Variants in CFAP52 observed in about 807,000 individuals in gnomAD.
CFAP52 encodes the protein cilia- and flagella-associated protein 52.
Under a neutral mutation model 70.5 loss-of-function variants are expected in CFAP52, and 57 were observed. The ratio of observed to expected loss-of-function variants is 0.81; its 90% CI spans 0.65 to 1.01. The LOEUF is 1.01. CFAP52 is among the 50% of genes least tolerant of loss of function. The pLI, the probability that CFAP52 is intolerant of heterozygous loss-of-function variation, is 0.00. For synonymous variants in CFAP52, 267 were observed against 292.5 expected (o/e 0.91, Z 0.89); for missense variants, 785 against 788.5 (o/e 1.00, Z 0.05).
chr17:9,593,837 C>T (rs960015386), intron 3 of CFAP52, among the ~76,000 whole-genome samples: 1 of 151,716 alleles, frequency 6.6e-6, no homozygotes, highest in African/African-American at 2.4e-5. Flanking sequence ...TGGTGGTGTG[C>T]GTCTGTAGTC....
At chr17:9,638,067 G>T (rs1910888079) in intron 11 of CFAP52, among the ~76,000 whole-genome samples, 1 of 152,114 alleles carries the variant, frequency 6.6e-6, no homozygotes, top group Admixed American at 6.5e-5. Flanking sequence ...GCTTTCCGAG[G>T]GTTGTGCATG....
At chr17:9,615,922 T>G (rs1279792313) in intron 8 of CFAP52, among the ~76,000 whole-genome samples, 1 of 150,414 alleles carries the variant, frequency 6.6e-6, no homozygotes, top group Non-Finnish European at 1.5e-5. Flanking sequence ...TCTCAGATTA[T>G]AGGCATGAGC....
intron 8 of CFAP52, among the ~76,000 whole-genome samples, chr17:9,623,755 C>A (rs1282199846): frequency 6.6e-6 from 1 of 152,006 alleles, no homozygotes; most frequent in Non-Finnish European, 1.5e-5. Flanking sequence ...TCCATTCACC[C>A]GCATGATCAT....
At chr17:9,585,167 GA>G (rs763646782) in intron 1 of CFAP52, among the ~76,000 whole-genome samples, 2 of 152,082 alleles carry the variant, frequency 1.3e-5, no homozygotes, top group Non-Finnish European at 2.9e-5. Context: ...GGACTTGCTG[GA>G]CCAGCATCAG....
At position 9,631,032 on chromosome 17, in the gene CFAP52, G is replaced by GAAAGAAAGAAAGAAAGAAAGAA. The variant is rs1473831778; in HGVS notation, c.1175-1855_1175-1854insAAGAAAGAAAGAAAGAAAGAAA. Among the ~76,000 whole-genome samples the GAAAGAAAGAAAGAAAGAAAGAA allele has an allele frequency of 4.3e-5, 2 of 46,772 alleles. 1 individual carries two copies. Among genetic ancestry groups the GAAAGAAAGAAAGAAAGAAAGAA allele is most frequent in the Non-Finnish European group, 7.9e-5 (2 of 25,366 alleles). 30.7% of individuals were successfully genotyped at this position (46,772 alleles called of 152,430 possible). A position where few individuals can be genotyped will look rare whatever the true frequency, so the allele number is the denominator to read the frequency against. On this transcript the variant is annotated intron_variant, in intron 9 of 13. Transcript: ENST00000352665. ...AAAGAAAGAAAGAAAGAAAGAAAGA[G>GAAAGAAAGAAAGAAAGAAAGAA]AGAGAGAGAGAGAGAGAGAGAGAAA...
chr17:9,644,653 T>C (rs1911239276), downstream of CFAP52: 2 of 152,088 alleles, frequency 1.3e-5, no homozygotes, highest in African/African-American at 4.8e-5. Flanking sequence ...CTAATTCTGA[T>C]TGGGCAATCA....
At chr17:9,607,025 G>A (rs1049868123) in intron 6 of CFAP52, among the ~76,000 whole-genome samples, 4 of 152,136 alleles carry the variant, frequency 2.6e-5, no homozygotes, top group African/African-American at 7.2e-5. Context: ...AACCTATACA[G>A]TCACTAGCTA....
intron 8 of CFAP52, among the ~76,000 whole-genome samples, chr17:9,616,111 C>G (rs1205808648): frequency 2.7e-5 from 4 of 150,912 alleles, no homozygotes; most frequent in Non-Finnish European, 4.4e-5. Flanking sequence ...CTAGGGAGTG[C>G]CAGACAGTGG....
chr17:9,635,602 A>T, intron 11 of CFAP52, 46 bp downstream of exon 11: 1 of 1,611,690 alleles, frequency 6.2e-7, no homozygotes, highest in African/African-American at 1.3e-5. Flanking sequence ...TGCAAAATCC[A>T]ATCATGCCAA....
chr17:9,588,486 A>G (rs1387046995), intron 3 of CFAP52, among the ~76,000 whole-genome samples: 2 of 152,182 alleles, frequency 1.3e-5, no homozygotes, highest in Non-Finnish European at 2.9e-5. Flanking sequence ...ACAGTGTGAG[A>G]AAGCTGTTGA....
chr17:9,593,174 A>G (rs1908840357), intron 3 of CFAP52, among the ~76,000 whole-genome samples: 1 of 152,146 alleles, frequency 6.6e-6, no homozygotes, highest in Non-Finnish European at 1.5e-5. Context: ...TTCTTTAAAC[A>G]CCTTGATTCG....
chr17:9,580,189 G>A (rs1488546025), intron 1 of CFAP52, among the ~76,000 whole-genome samples: 1 of 152,016 alleles, frequency 6.6e-6, no homozygotes, highest in Non-Finnish European at 1.5e-5. Flanking sequence ...AAGTTTTATT[G>A]GAATGTAGCT....
chr17:9,585,922 A>G lies in CFAP52; in HGVS notation c.220A>G (p.Arg74Gly), dbSNP rs753422223. ...CAACGTCTCCTGCTTGGCCATCTCC[A>G]GGTCTGGAGAGTACATCGCCTCCGG... is the stretch of plus-strand genomic sequence containing the variant. ...GNNVSCLAIS[R>G]SGEYIASGQV... The change falls in exon 2 of 14, where the codon AGG (arginine) becomes GGG (glycine). Residue 74 changes from arginine to glycine, a missense_variant. By Grantham distance (125) the Arg-to-Gly change is moderately radical (BLOSUM62 -2). Transcript: ENST00000352665. 3 of 1,611,250 alleles carry G rather than the reference A, an allele frequency of 1.9e-6. No homozygotes were observed. The highest frequency in any genetic ancestry group is 1.3e-5 in the African/African-American group (1 of 74,654).
At chr17:9,597,990 G>T (rs1042236194) in intron 4 of CFAP52, among the ~76,000 whole-genome samples, 3 of 152,100 alleles carry the variant, frequency 2.0e-5, no homozygotes, top group African/African-American at 7.2e-5. Context: ...AGAGTGAGAC[G>T]GAGCCAGGTG....
At chr17:9,605,035 G>C (rs1389191405) in intron 6 of CFAP52, among the ~76,000 whole-genome samples, 5 of 152,064 alleles carry the variant, frequency 3.3e-5, no homozygotes, top group African/African-American at 1.2e-4. Flanking sequence ...ATAGTTTGGT[G>C]GTTTCTTGCA....
rs1277868977 is a variant in CFAP52 at position 9,584,368 on chromosome 17, C to T, written c.71-1405C>T. Reference sequence around the variant, plus strand: ...GAAAGGTCCCAGGCTCTTCAGAGCACCTGGTGGGCACTCAGAACTGAAACC... The same window carrying T: ...GAAAGGTCCCAGGCTCTTCAGAGCATCTGGTGGGCACTCAGAACTGAAACC... On this transcript the variant is annotated intron_variant, in intron 1 of 13. Coordinates refer to ENST00000352665, the MANE Select transcript of CFAP52 (RefSeq NM_145054.5). The T allele has an allele frequency of 1.8e-5, 23 of 1,283,552 alleles. 1 individual carries two copies. The South Asian group carries it at 2.4e-4, about 13-fold the overall frequency. The allele number at this position is 1,283,552 out of a possible 1,614,324, so 79.5% of individuals were successfully genotyped here.
At chr17:9,633,566 G>A (rs1394115567) in intron 10 of CFAP52, among the ~76,000 whole-genome samples, 2 of 152,146 alleles carry the variant, frequency 1.3e-5, no homozygotes, top group Non-Finnish European at 2.9e-5. Context: ...AGACATGAAA[G>A]TGTTCTATGT....
In CFAP52 at chr17:9,600,193, G is replaced by C. The variant is rs781483659; in HGVS notation, c.753+10G>C. 6.2e-7 allele frequency: 1 copy of C among 1,609,860 alleles called. No homozygotes were observed. The highest frequency in any genetic ancestry group is 1.1e-5 in the South Asian group (1 of 90,974). On this transcript the variant is annotated intron_variant, in intron 6 of 13. Transcript: ENST00000352665. ...GGACAAATTCAGTTTGGTGAGTAGA[G>C]ACCATCGCCACTGCCCTGCCATTTT...
intron 10 of CFAP52, 115 bp from the exon 11 acceptor site, chr17:9,635,290 G>A (rs1477519221): frequency 1.6e-5 from 23 of 1,428,584 alleles, no homozygotes; most frequent in Non-Finnish European, 2.0e-5. Context: ...ACAAAGACAG[G>A]GAATTAAAAA....
Sources: allele counts gnomAD v4.1 joint callset (sites outside exome capture counted in the v4.1 genomes callset), GRCh38; gene constraint gnomAD v4.1.1; transcripts MANE v1.5; gene names NCBI Gene and HGNC (gene_info 2026-07-23, HGNC 2026-07-21).